Variants in TXNL4A observed in about 807,000 individuals in gnomAD.
The protein encoded by TXNL4A is thioredoxin like 4A.
A neutral mutation model predicts 14.6 loss-of-function variants in TXNL4A; 17 were observed. That is an observed-to-expected ratio of 1.16 (90% confidence interval 0.80 to 1.74). The LOEUF (loss-of-function observed/expected upper bound fraction) is 1.74. Among genes scored for constraint, TXNL4A ranks in the 40% most tolerant of loss-of-function variants. TXNL4A has a pLI of 0.00. For missense variants in TXNL4A, 74 were observed against 195.2 expected (o/e 0.38, Z 3.70); for synonymous variants, 83 against 70.6 (o/e 1.18, Z -0.88).
rs1041468372 is a variant in TXNL4A at position 79,982,082 on chromosome 18, C to T, written c.154-4381G>A. Among the ~76,000 whole-genome samples the T allele has an allele frequency of 1.3e-5, 2 of 152,202 alleles. No individual in the cohort carries two copies. The highest frequency in any genetic ancestry group is 4.8e-5 in the African/African-American group (2 of 41,454). On this transcript the variant is annotated intron_variant, in intron 1 of 2. Coordinates refer to ENST00000269601, the MANE Select transcript of TXNL4A (RefSeq NM_006701.5). This position sits in a 1 kb window ranked among gnomAD's most constrained non-coding sequence, Gnocchi z 4.0. ...CTGAACTCTGGATGACAGAATCAGC[C>T]TAACCCACAGGAGACGGGGCGGCAG...
At chr18:79,985,987 T>A (rs1364806604) in intron 1 of TXNL4A, 1 of 152,048 alleles carries the variant, frequency 6.6e-6, no homozygotes, top group East Asian at 1.9e-4. Flanking sequence ...TATTTGCCCA[T>A]AGACTAAGAA....
chr18:80,021,607 G>A lies in TXNL4A; in HGVS notation c.-61+12244C>T, dbSNP rs140463188. On this transcript the variant is annotated intron_variant, in intron 1 of 2. Coordinates refer to the TXNL4A transcript ENST00000585474. Reference sequence around the variant, plus strand: ...AGGTATTTGAGTTAGCAAAGTATACGGATTAGGAACCACTGGATGGATTGG... The same window carrying A: ...AGGTATTTGAGTTAGCAAAGTATACAGATTAGGAACCACTGGATGGATTGG... Among the ~76,000 whole-genome samples the A allele has an allele frequency of 3.3e-5, 5 of 152,286 alleles. No individual in the cohort carries two copies. The East Asian group carries it at 5.8e-4, about 18-fold the overall frequency.
intron 1 of TXNL4A, among the ~76,000 whole-genome samples, chr18:80,023,646 A>G (rs1328181566): frequency 6.6e-6 from 1 of 152,264 alleles, no homozygotes; most frequent in Non-Finnish European, 1.5e-5. Context: ...CTGAGGGTGA[A>G]ATATCCTCCC....
chr18:80,000,785 C>G (rs1225083122), intron 1 of TXNL4A, among the ~76,000 whole-genome samples: 3 of 152,118 alleles, frequency 2.0e-5, no homozygotes, highest in African/African-American at 7.2e-5. Context: ...TCCTGAGTGG[C>G]TGGGATTACA....
In TXNL4A at chr18:79,973,484, G is replaced by A. The variant is rs1002400720; in HGVS notation, c.*201C>T. The A allele has an allele frequency of 2.1e-5, 11 of 534,210 alleles. No individual in the cohort carries two copies. The highest frequency in any genetic ancestry group is 5.1e-4 in the Middle Eastern group (1 of 1,950). The allele number at this position is 534,210 out of a possible 1,614,324, so 33.1% of individuals were successfully genotyped here. Reference sequence around the variant, plus strand: ...GGAAAATCAGTAATCTATTCATTAAGTTTCCTGAGAACAAACAAGTAGGCC... The same window carrying A: ...GGAAAATCAGTAATCTATTCATTAAATTTCCTGAGAACAAACAAGTAGGCC... On this transcript the variant is annotated 3_prime_UTR_variant, in exon 3 of 3. Transcript: ENST00000269601.
intron 1 of TXNL4A, among the ~76,000 whole-genome samples, chr18:80,007,596 G>A (rs570893703): frequency 6.6e-6 from 1 of 151,644 alleles, no homozygotes; most frequent in Admixed American, 6.6e-5. Flanking sequence ...TCACTTCCTT[G>A]GTTTTTTTTT....
chr18:79,975,762 AG>A (rs762053837), intron 2 of TXNL4A, among the ~76,000 whole-genome samples: 2 of 152,206 alleles, frequency 1.3e-5, no homozygotes, highest in South Asian at 2.1e-4. Flanking sequence ...CCGCAGTTAT[AG>A]GAAGTCAGAG....
chr18:80,013,112 A>G (rs1599748755), intron 1 of TXNL4A, among the ~76,000 whole-genome samples: 2 of 105,956 alleles, frequency 1.9e-5, no homozygotes, highest in Middle Eastern at 4.2e-3. Flanking sequence ...TTAAAAAAGG[A>G]AAAAAAAAAA....
rs943485962 is a variant in TXNL4A at position 79,973,302 on chromosome 18, G to A, written c.*383C>T. 34 of 160,290 alleles carry A rather than the reference G, an allele frequency of 2.1e-4. No individual in the cohort carries two copies. Among genetic ancestry groups the A allele is most frequent in the Admixed American group, 6.4e-4 (10 of 15,660 alleles). The allele number at this position is 160,290 out of a possible 1,614,324, so 9.9% of individuals were successfully genotyped here. On this transcript the variant is annotated 3_prime_UTR_variant, in exon 3 of 3. Transcript: ENST00000269601. ...CGCGACACCCTGATCTCAGACCCCC[G>A]CCTGCAAAGCTGTGAGAGCACACAT...
At chr18:79,974,731 G>A (rs145010642) in intron 2 of TXNL4A, among the ~76,000 whole-genome samples, 2 of 152,120 alleles carry the variant, frequency 1.3e-5, no homozygotes, top group African/African-American at 2.4e-5. Flanking sequence ...CTCCCACCTC[G>A]GCCTCCCAAA....
chr18:79,974,914 C>T (rs945999244), intron 2 of TXNL4A, among the ~76,000 whole-genome samples: 1 of 152,194 alleles, frequency 6.6e-6, no homozygotes, highest in Non-Finnish European at 1.5e-5. Context: ...CGTTCACTTC[C>T]ACAAGATCAT....
In TXNL4A at chr18:79,993,842, T is replaced by A. The variant is rs1476185323; in HGVS notation, c.-60-16141A>T. On this transcript the variant is annotated intron_variant, in intron 1 of 2. Coordinates refer to the TXNL4A transcript ENST00000585474. This position sits in a 1 kb window ranked among gnomAD's most constrained non-coding sequence, Gnocchi z 4.4. ...GGTTTTCTCCCCAGAAAAACATGCT[T>A]AAGGTCTAATCTCATCTGGTAGGTG... is the stretch of plus-strand genomic sequence containing the variant. Among the ~76,000 whole-genome samples the A allele has an allele frequency of 5.9e-5, 9 of 152,180 alleles. No individual in the cohort carries two copies. Among genetic ancestry groups the A allele is most frequent in the African/African-American group, 2.2e-4 (9 of 41,438 alleles).
chr18:80,007,892 A>G (rs1046949204), intron 1 of TXNL4A, among the ~76,000 whole-genome samples: 6 of 152,108 alleles, frequency 3.9e-5, no homozygotes, highest in African/African-American at 9.7e-5. Context: ...TGAATTGCCC[A>G]GGTAAGAAGA....
At chr18:79,977,917 C>T in intron 1 of TXNL4A, 1 of 549,234 alleles carries the variant, frequency 1.8e-6, no homozygotes, top group South Asian at 2.2e-5. Flanking sequence ...TATCCTCCCA[C>T]CTCAGCCTCC....
At chr18:79,980,666 G>A (rs1392401994) in intron 1 of TXNL4A, among the ~76,000 whole-genome samples, 1 of 152,170 alleles carries the variant, frequency 6.6e-6, no homozygotes, top group African/African-American at 2.4e-5. Context: ...TTCAGCTTTG[G>A]TGAAAAAAAC....
chr18:79,989,733 G>A (rs1255929534), upstream of TXNL4A, among the ~76,000 whole-genome samples: 2 of 152,056 alleles, frequency 1.3e-5, 1 homozygote, highest in East Asian at 3.9e-4. Flanking sequence ...GGTGGCTCAC[G>A]CCTGTAATCC....
rs116437351 is a variant in TXNL4A at position 79,976,168 on chromosome 18, G to A, written c.257+1430C>T. Among the ~76,000 whole-genome samples, 1,346 of 152,308 alleles carry A rather than the reference G, an allele frequency of 8.8e-3. 25 individuals carry two copies. The highest frequency in any genetic ancestry group is 0.03 in the African/African-American group (1,254 of 41,564). ...GCAGCCTGAGGCGGGAGGATGGCTC[G>A]AAGCCAGGAGTTCAAGCTTGCTGTG... On this transcript the variant is annotated intron_variant, in intron 2 of 2. Transcript: ENST00000269601.
intron 1 of TXNL4A, among the ~76,000 whole-genome samples, chr18:80,024,879 A>G (rs2051874357): frequency 6.6e-6 from 1 of 152,204 alleles, no homozygotes; most frequent in South Asian, 2.1e-4. Context: ...TGGGTCCGAC[A>G]TATGTCCCGA....
At chr18:79,985,841 G>A (rs1472148811) in intron 1 of TXNL4A, 1 of 152,172 alleles carries the variant, frequency 6.6e-6, no homozygotes, top group Non-Finnish European at 1.5e-5. Flanking sequence ...AACAAGGTAA[G>A]GAAGAGTCCC....
Sources: gnomAD v4.1 joint callset for allele counts (sites outside exome capture counted in the v4.1 genomes callset) on GRCh38, gnomAD v4.1.1 for gene constraint, Gnocchi (gnomAD v3.1) non-coding constraint, MANE v1.5 for transcripts, NCBI Gene and HGNC (gene_info 2026-07-23, HGNC 2026-07-21) for gene names.